GABBR2: variants seen among roughly 807,000 people sequenced by gnomAD.
GABBR2 encodes the protein G-protein coupled receptor 51.
In GABBR2, 23 loss-of-function variants were observed where a neutral mutation model predicts 105.6. That is an observed-to-expected ratio of 0.22 (90% CI 0.16 to 0.31). GABBR2 has a LOEUF of 0.31. Among genes scored for constraint, GABBR2 ranks in the 10% least tolerant of loss-of-function variants. The pLI, the probability that GABBR2 is intolerant of heterozygous loss-of-function variation, is 1.00. For missense variants in GABBR2, 734 were observed against 1,245.5 expected (o/e 0.59, Z 6.18); for synonymous variants, 478 against 499.7 (o/e 0.96, Z 0.58).
chr9:98,530,626 T>C (rs569581354), intron 3 of GABBR2, among the ~76,000 whole-genome samples: 1 of 152,018 alleles, frequency 6.6e-6, no homozygotes, highest in East Asian at 1.9e-4. Context: ...AAAAATAAAA[T>C]AAAATAAAAA....
chr9:98,482,524 T>C (rs111608869), intron 4 of GABBR2, among the ~76,000 whole-genome samples: 15 of 152,276 alleles, frequency 9.9e-5, no homozygotes, highest in African/African-American at 3.6e-4. Context: ...TTTTTAGCAT[T>C]TTTTGCTGCT....
intron 3 of GABBR2, among the ~76,000 whole-genome samples, chr9:98,535,241 G>T (rs1019783892): frequency 6.6e-6 from 1 of 151,986 alleles, no homozygotes; most frequent in African/African-American, 2.4e-5. Flanking sequence ...GGAATTACAG[G>T]CGCCCGCTAC....
At chr9:98,292,991 G>A (rs933646343) in intron 18 of GABBR2, among the ~76,000 whole-genome samples, 1 of 152,206 alleles carries the variant, frequency 6.6e-6, no homozygotes, top group Admixed American at 6.5e-5. Context: ...GCCAGGCCTT[G>A]GAGCTAGTTG....
intron 13 of GABBR2, among the ~76,000 whole-genome samples, chr9:98,330,561 A>G (rs776488404): frequency 6.6e-6 from 1 of 152,178 alleles, no homozygotes; most frequent in Non-Finnish European, 1.5e-5. Flanking sequence ...CAGGTATTGG[A>G]CCCGACAATC....
chr9:98,448,195 G>A (rs1029543471), intron 7 of GABBR2, among the ~76,000 whole-genome samples: 3 of 150,404 alleles, frequency 2.0e-5, no homozygotes, highest in Admixed American at 6.6e-5. Flanking sequence ...AACTGTGATC[G>A]TTCCCACATA....
chr9:98,469,214 G>T lies in GABBR2; in HGVS notation c.999+3932C>A, dbSNP rs142682999. Among the ~76,000 whole-genome samples, 672 of 152,264 alleles carry T rather than the reference G, an allele frequency of 4.4e-3. 14 individuals carry two copies. The highest frequency in any genetic ancestry group is 0.038 in the Admixed American group (588 of 15,290). On this transcript the variant is annotated intron_variant, in intron 6 of 18. Coordinates refer to ENST00000259455, the MANE Select transcript of GABBR2 (RefSeq NM_005458.8). ...GTTCTGTATTGCTGAGGAGGCCTCA[G>T]GAAACTTACAATCACAGTGGAAGGG...
chr9:98,333,364 T>C (rs1382462478), intron 13 of GABBR2, among the ~76,000 whole-genome samples: 2 of 152,132 alleles, frequency 1.3e-5, no homozygotes, highest in East Asian at 3.8e-4. Flanking sequence ...CTTAAAACAA[T>C]AGACAATTAA....
At chr9:98,371,630 G>A (rs1477126977) in intron 11 of GABBR2, 59 bp from the exon 12 acceptor site, 2 of 896,530 alleles carry the variant, frequency 2.2e-6, no homozygotes, top group Non-Finnish European at 3.8e-6. Context: ...ACTTCATCAG[G>A]TATGAGTCCA....
chr9:98,672,234 G>A (rs1414306135), intron 1 of GABBR2, among the ~76,000 whole-genome samples: 1 of 151,818 alleles, frequency 6.6e-6, no homozygotes, highest in African/African-American at 2.4e-5. Context: ...CCCAGCCCTG[G>A]CGACCACCAT....
At chr9:98,446,217 T>G (rs1369991809) in intron 7 of GABBR2, among the ~76,000 whole-genome samples, 1 of 152,134 alleles carries the variant, frequency 6.6e-6, no homozygotes, top group African/African-American at 2.4e-5. Context: ...TGGGTCTTGA[T>G]TAGACCCACA....
intron 4 of GABBR2, among the ~76,000 whole-genome samples, chr9:98,486,492 C>T (rs868578339): frequency 7.3e-4 from 111 of 152,284 alleles, no homozygotes; most frequent in African/African-American, 2.5e-3. Flanking sequence ...AGCATGGACT[C>T]TTGCAAGGAA....
At chr9:98,462,983 G>A (rs916684659) in intron 6 of GABBR2, among the ~76,000 whole-genome samples, 1 of 152,120 alleles carries the variant, frequency 6.6e-6, no homozygotes, top group Non-Finnish European at 1.5e-5. Flanking sequence ...CCGCCTCCTG[G>A]GTTCAAGCGA....
chr9:98,596,385 A>G (rs1487313838), intron 1 of GABBR2, among the ~76,000 whole-genome samples: 2 of 152,106 alleles, frequency 1.3e-5, no homozygotes, highest in Non-Finnish European at 2.9e-5. Context: ...AATTTTCCCA[A>G]TGGGGGAAAT....
chr9:98,420,173 G>A (rs1318723880), intron 7 of GABBR2, among the ~76,000 whole-genome samples: 1 of 152,134 alleles, frequency 6.6e-6, no homozygotes, highest in Non-Finnish European at 1.5e-5. Flanking sequence ...GAGGCCACAT[G>A]CTCTGCAGGG....
At chr9:98,693,514 A>G (rs1373634437) in intron 1 of GABBR2, among the ~76,000 whole-genome samples, 2 of 152,106 alleles carry the variant, frequency 1.3e-5, no homozygotes, top group Non-Finnish European at 2.9e-5. Context: ...CTACATCCTA[A>G]CAGTTTCAAC....
intron 1 of GABBR2, among the ~76,000 whole-genome samples, chr9:98,653,723 A>G (rs891402926): frequency 2.0e-5 from 3 of 148,778 alleles, no homozygotes; most frequent in African/African-American, 7.4e-5. Flanking sequence ...TTTTCAGCAC[A>G]CACACACACA....
chr9:98,576,343 G>T (rs1176079843), intron 2 of GABBR2, among the ~76,000 whole-genome samples: 2 of 152,132 alleles, frequency 1.3e-5, no homozygotes, highest in African/African-American at 2.4e-5. Context: ...GCCTTCCTCC[G>T]TTTACTATTC....
intron 7 of GABBR2, among the ~76,000 whole-genome samples, chr9:98,450,994 C>A (rs992780740): frequency 2.0e-5 from 3 of 152,184 alleles, no homozygotes; most frequent in Non-Finnish European, 4.4e-5. Context: ...CTCTATTCAT[C>A]CATTTCAACT....
intron 3 of GABBR2, among the ~76,000 whole-genome samples, chr9:98,525,164 A>T (rs1827933486): frequency 1.3e-5 from 2 of 152,152 alleles, no homozygotes; most frequent in African/African-American, 4.8e-5. Flanking sequence ...GATAGATTTG[A>T]CCTTACTAAA....
Sources: gnomAD v4.1 joint callset for allele counts (sites outside exome capture counted in the v4.1 genomes callset) on GRCh38, gnomAD v4.1.1 for gene constraint, MANE v1.5 for transcripts, NCBI Gene and HGNC (gene_info 2026-07-23, HGNC 2026-07-21) for gene names.